IGFL2: variants seen among roughly 807,000 people sequenced by gnomAD.
IGFL2 encodes IGF like family member 2.
IGFL2 carries 7 observed loss-of-function variants against 13.9 expected under a neutral mutation model. The ratio of observed to expected loss-of-function variants is 0.51; its 90% CI spans 0.29 to 0.95. The LOEUF is 0.95. IGFL2 is among the 40% of genes least tolerant of loss of function. IGFL2 has a pLI of 0.08. For synonymous variants in IGFL2, 55 were observed against 55.8 expected (o/e 0.99, Z 0.07); for missense variants, 138 against 147.8 (o/e 0.93, Z 0.34).
At chr19:46,082,817 G>C in the IGFL2 span, among the ~76,000 whole-genome samples, 1 of 152,134 alleles carries the variant, frequency 6.6e-6, no homozygotes, top group Non-Finnish European at 1.5e-5. Context: ...TAGTCAGTTA[G>C]TCATATGGGT....
intron 1 of IGFL2, 69 bp from the exon 2 acceptor site, chr19:46,160,346 C>T: frequency 1.4e-6 from 2 of 1,433,082 alleles, no homozygotes; most frequent in Non-Finnish European, 1.9e-6. Flanking sequence ...CCCTGGCCTG[C>T]CCTCCCTGAG....
At chr19:46,124,507 TAGTA>T in the IGFL2 span, 1 of 1,190,084 alleles carries the variant, frequency 8.4e-7, no homozygotes. Flanking sequence ...TTGAGGTGAC[TAGTA>T]GGGCACAGGA....
intron 1 of IGFL2, among the ~76,000 whole-genome samples, chr19:46,156,994 A>C (rs947708114): frequency 6.6e-6 from 1 of 152,214 alleles, no homozygotes; most frequent in Admixed American, 6.5e-5. Flanking sequence ...GTGGAAAACT[A>C]GGAATAACTC....
At chr19:46,181,828 T>G in the IGFL2 span, among the ~76,000 whole-genome samples, 3 of 152,236 alleles carry the variant, frequency 2.0e-5, no homozygotes, top group African/African-American at 7.2e-5. Context: ...TCTCAGTATA[T>G]TTGGCTCTCT....
At chr19:46,171,180 C>G in the IGFL2 span, among the ~76,000 whole-genome samples, 1 of 152,142 alleles carries the variant, frequency 6.6e-6, no homozygotes, top group Non-Finnish European at 1.5e-5. Context: ...TTCTTTTGTA[C>G]TCTTTCGCTT....
the IGFL2 span, among the ~76,000 whole-genome samples, chr19:46,098,882 T>C: frequency 6.6e-6 from 1 of 152,360 alleles, no homozygotes; most frequent in Middle Eastern, 3.4e-3. Flanking sequence ...AGCTGGTTAT[T>C]TTGCAGACTA....
chr19:46,140,208 A>C (rs984751711), upstream of IGFL2, among the ~76,000 whole-genome samples: 1 of 151,234 alleles, frequency 6.6e-6, no homozygotes, highest in African/African-American at 2.4e-5. Flanking sequence ...CAGCCTCCGA[A>C]GTGCTGGAAT....
At chr19:46,124,559 G>T in the IGFL2 span, 3 of 1,415,204 alleles carry the variant, frequency 2.1e-6, no homozygotes, top group Non-Finnish European at 3.0e-6. Context: ...GAATAAATCG[G>T]GTTGAGGTTT....
At chr19:46,120,394 A>AT in the IGFL2 span, 5 of 1,609,518 alleles carry the variant, frequency 3.1e-6, no homozygotes, top group Non-Finnish European at 4.2e-6. Flanking sequence ...TCTTAACAAC[A>AT]TATATTCTCA....
chr19:46,127,058 G>A, the IGFL2 span, among the ~76,000 whole-genome samples: 2 of 152,186 alleles, frequency 1.3e-5, no homozygotes, highest in Non-Finnish European at 1.5e-5. Context: ...CAAGCTTTTC[G>A]TATTTTCTCT....
the IGFL2 span, chr19:46,124,237 C>A: frequency 6.2e-7 from 1 of 1,609,206 alleles, no homozygotes. Flanking sequence ...ACCACCTCTT[C>A]CCTCCTCATT....
chr19:46,120,418 C>A, the IGFL2 span: 1 of 1,604,772 alleles, frequency 6.2e-7, no homozygotes, highest in African/African-American at 1.4e-5. Flanking sequence ...AAAAATTATC[C>A]CCTACAAAAG....
At chr19:46,147,625 A>G (rs1303591772), upstream of IGFL2, among the ~76,000 whole-genome samples, 1 of 152,216 alleles carries the variant, frequency 6.6e-6, no homozygotes. Context: ...ACCCCATCGT[A>G]CTTAGCCTAC....
At chr19:46,116,843 T>C in the IGFL2 span, among the ~76,000 whole-genome samples, 3 of 152,202 alleles carry the variant, frequency 2.0e-5, no homozygotes, top group Non-Finnish European at 4.4e-5. Flanking sequence ...CCTTGCTTAT[T>C]ATTTTTAGTT....
chr19:46,111,712 G>A, the IGFL2 span: 1 of 152,174 alleles, frequency 6.6e-6, no homozygotes, highest in African/African-American at 2.4e-5. Flanking sequence ...TAGCTCAATA[G>A]GTATTGTTAT....
At chr19:46,136,092 C>T in the IGFL2 span, among the ~76,000 whole-genome samples, 1 of 152,130 alleles carries the variant, frequency 6.6e-6, no homozygotes, top group Non-Finnish European at 1.5e-5. Context: ...TATAGTATCT[C>T]AGAGGAGTTA....
At chr19:46,163,645 A>G (rs1974261194), downstream of IGFL2, among the ~76,000 whole-genome samples, 4 of 152,212 alleles carry the variant, frequency 2.6e-5, no homozygotes. Flanking sequence ...AGGGGCTTTC[A>G]GATGGCGCTG....
upstream of IGFL2, among the ~76,000 whole-genome samples, chr19:46,146,923 A>G (rs1210345076): frequency 6.6e-6 from 1 of 152,190 alleles, no homozygotes; most frequent in Non-Finnish European, 1.5e-5. Context: ...AAGGAAGTCA[A>G]TGGAAAACAC....
At chr19:46,198,703 A>G in the IGFL2 span, among the ~76,000 whole-genome samples, 2 of 152,146 alleles carry the variant, frequency 1.3e-5, no homozygotes, top group African/African-American at 2.4e-5. Context: ...TTGCAAGGAG[A>G]GAGAGATCAG....
Sources: allele counts gnomAD v4.1 joint callset (sites outside exome capture counted in the v4.1 genomes callset), GRCh38; gene constraint gnomAD v4.1.1; transcripts MANE v1.5; gene names NCBI Gene and HGNC (gene_info 2026-07-23, HGNC 2026-07-21).